Variants in AUTS2 observed in about 807,000 individuals in gnomAD.
AUTS2 encodes activator of transcription and developmental regulator AUTS2.
Under a neutral mutation model 112.4 loss-of-function variants are expected in AUTS2, and 17 were observed. That is an observed-to-expected ratio of 0.15 (90% confidence interval 0.10 to 0.23). The LOEUF (loss-of-function observed/expected upper bound fraction) is 0.23. Among genes scored for constraint, AUTS2 ranks in the 10% least tolerant of loss-of-function variants. The probability of loss-of-function intolerance (pLI) is 1.00; values close to 1 mark genes in which losing one functional copy is unlikely to be tolerated. For synonymous variants in AUTS2, 751 were observed against 702.7 expected (o/e 1.07, Z -1.09); for missense variants, 1,510 against 1,701.6 (o/e 0.89, Z 1.98).
At chr7:69,778,296 C>T (rs1044290653) in intron 1 of AUTS2, among the ~76,000 whole-genome samples, 1 of 146,786 alleles carries the variant, frequency 6.8e-6, no homozygotes, top group African/African-American at 2.5e-5. Context: ...ATTTGCATTT[C>T]TCAGTTACCA....
chr7:70,049,160 C>T (rs1801634302), intron 2 of AUTS2, among the ~76,000 whole-genome samples: 1 of 152,078 alleles, frequency 6.6e-6, no homozygotes, highest in Non-Finnish European at 1.5e-5. Context: ...TTAACCAGTT[C>T]CTTGCTGTTG....
chr7:69,850,751 A>G (rs754008501), intron 1 of AUTS2, among the ~76,000 whole-genome samples: 121 of 152,180 alleles, frequency 8.0e-4, no homozygotes, highest in Non-Finnish European at 1.4e-3. Context: ...AGATATCAGT[A>G]TCTTGTCTGA....
At chr7:69,938,573 A>G (rs763483830) in intron 2 of AUTS2, among the ~76,000 whole-genome samples, 4 of 152,244 alleles carry the variant, frequency 2.6e-5, no homozygotes, top group Non-Finnish European at 4.4e-5. Context: ...AAAACTAAAC[A>G]TGAATGAAAC....
chr7:70,041,027 T>C (rs1563059034), intron 2 of AUTS2, among the ~76,000 whole-genome samples: 1 of 152,228 alleles, frequency 6.6e-6, no homozygotes, highest in Non-Finnish European at 1.5e-5. Context: ...TGTGTAAGTA[T>C]AGAGTGACCA....
chr7:70,241,531 T>C (rs1812613449), intron 4 of AUTS2, among the ~76,000 whole-genome samples: 1 of 152,338 alleles, frequency 6.6e-6, no homozygotes, highest in South Asian at 2.1e-4. Flanking sequence ...TTTTTAGCTT[T>C]GATGTGACTA....
chr7:70,763,265 G>A lies in AUTS2; in HGVS notation c.1138G>A (p.Ala380Thr), dbSNP rs1789689879. The change falls in exon 7 of 19, where the codon GCC (alanine) becomes ACC (threonine). Residue 380 changes from alanine to threonine, a missense_variant. Coordinates refer to ENST00000342771, the MANE Select transcript of AUTS2 (RefSeq NM_015570.4). ...CCATCAGAACCTCCCACCTGTGCAG[G>A]CCCACCCCTCTGCTCAGAGCCTCTC... ...LLHQNLPPVQ[A>T]HPSAQSLSQP... The A allele has an allele frequency of 1.2e-6, 2 of 1,613,176 alleles. No individual in the cohort carries two copies. Among genetic ancestry groups the A allele is most frequent in the African/African-American group, 2.7e-5 (2 of 75,024 alleles).
At chr7:70,608,323 T>A (rs1322878356) in intron 5 of AUTS2, among the ~76,000 whole-genome samples, 1 of 152,124 alleles carries the variant, frequency 6.6e-6, no homozygotes, top group Non-Finnish European at 1.5e-5. Flanking sequence ...CAGCCTGTCC[T>A]CAAACTCCTG....
intron 4 of AUTS2, among the ~76,000 whole-genome samples, chr7:70,415,670 C>T (rs763175030): frequency 1.3e-5 from 2 of 152,122 alleles, no homozygotes; most frequent in Non-Finnish European, 2.9e-5. Flanking sequence ...CACAGCAACC[C>T]CAACATCTCT....
At chr7:70,330,258 G>A (rs1009876942) in intron 4 of AUTS2, among the ~76,000 whole-genome samples, 2 of 152,158 alleles carry the variant, frequency 1.3e-5, no homozygotes, top group African/African-American at 4.8e-5. Context: ...TATGGCTTTA[G>A]TTTTTATATT....
At chr7:70,096,617 GAAAA>G (rs1202166833) in intron 2 of AUTS2, among the ~76,000 whole-genome samples, 4 of 132,814 alleles carry the variant, frequency 3.0e-5, no homozygotes, top group South Asian at 2.4e-4. Flanking sequence ...AAAAAAAAAA[GAAAA>G]AAAAAGAAAA....
chr7:69,936,255 C>T (rs1796405016), intron 2 of AUTS2, among the ~76,000 whole-genome samples: 1 of 152,162 alleles, frequency 6.6e-6, no homozygotes, highest in Non-Finnish European at 1.5e-5. Flanking sequence ...CTTTCAGTTC[C>T]TCTTGGTAAG....
chr7:70,699,857 G>C (rs961701398), intron 6 of AUTS2, among the ~76,000 whole-genome samples: 7 of 152,148 alleles, frequency 4.6e-5, no homozygotes, highest in African/African-American at 1.7e-4. Context: ...CTACCACTTG[G>C]CGTTTCCTTG....
At chr7:70,236,367 A>G (rs1250512937) in intron 4 of AUTS2, among the ~76,000 whole-genome samples, 1 of 152,202 alleles carries the variant, frequency 6.6e-6, no homozygotes, top group African/African-American at 2.4e-5. Context: ...TGGCATGTAC[A>G]GTTTCATTGG....
intron 4 of AUTS2, among the ~76,000 whole-genome samples, chr7:70,175,152 C>G (rs1808916925): frequency 6.6e-6 from 1 of 152,016 alleles, no homozygotes; most frequent in Admixed American, 6.6e-5. Context: ...AAGTTTATTC[C>G]AAACTTAATG....
rs372696006 is a variant in AUTS2, at chr7:70,444,373, T to TGTGTGTGTGTGTGTGTGTGAGAGAGA, written c.690+8593_690+8594insTGTGTGTGTGTGTGTGTGAGAGAGAG. Among the ~76,000 whole-genome samples, 280 of 142,408 alleles carry TGTGTGTGTGTGTGTGTGTGAGAGAGA rather than the reference T, an allele frequency of 2.0e-3. 1 individual carries two copies. The highest frequency in any genetic ancestry group is 4.7e-3 in the Admixed American group (68 of 14,330). The allele number at this position is 142,408 out of a possible 152,430, so 93.4% of individuals were successfully genotyped here. Reference sequence around the variant, plus strand: ...GTGTGTGTGTGTGTGTGTGTGTGTGTGAGAGAGAGAGAGAGAGAGAAAGAG... The same window carrying TGTGTGTGTGTGTGTGTGTGAGAGAGA: ...GTGTGTGTGTGTGTGTGTGTGTGTGTGTGTGTGTGTGTGTGTGTGAGAGAGAGAGAGAGAGAGAGAGAGAGAAAGAG... On this transcript the variant is annotated intron_variant, in intron 5 of 18. Transcript: ENST00000342771.
chr7:70,110,859 C>CTTTTTTTTTTTTTTTTT, intron 2 of AUTS2, among the ~76,000 whole-genome samples: 1 of 82,782 alleles, frequency 1.2e-5, no homozygotes, highest in Non-Finnish European at 2.1e-5. Context: ...TTCTTTCTTT[C>CTTTTTTTTTTTTTTTTT]TTTTTTTTTT....
chr7:70,022,166 G>GTTAGTAACTAAACTGTTAGTTACTAAC (rs1563045792), intron 2 of AUTS2, among the ~76,000 whole-genome samples: 66 of 150,702 alleles, frequency 4.4e-4, no homozygotes, highest in African/African-American at 1.2e-3. Flanking sequence ...AGAGAAAGGA[G>GTTAGTAACTAAACTGTTAGTTACTAAC]AGAGTTGTTA....
chr7:70,491,529 A>G (rs190526091), intron 5 of AUTS2, among the ~76,000 whole-genome samples: 1 of 131,814 alleles, frequency 7.6e-6, no homozygotes, highest in Non-Finnish European at 1.6e-5. Flanking sequence ...CACACAATAT[A>G]TTATATATAC....
chr7:70,495,122 G>A (rs539674462), intron 5 of AUTS2, among the ~76,000 whole-genome samples: 3 of 151,450 alleles, frequency 2.0e-5, no homozygotes, highest in South Asian at 2.1e-4. Context: ...CCTTGGTCTC[G>A]TGCCGACCCT....
Sources: gnomAD v4.1 joint callset for allele counts (sites outside exome capture counted in the v4.1 genomes callset) on GRCh38, gnomAD v4.1.1 for gene constraint, MANE v1.5 for transcripts, NCBI Gene and HGNC (gene_info 2026-07-23, HGNC 2026-07-21) for gene names.